Variants in SORBS2 observed in about 807,000 individuals in gnomAD.
SORBS2 encodes the protein sorbin and SH3 domain-containing protein 2.
In SORBS2, 46 loss-of-function variants were observed where a neutral mutation model predicts 97.7. That is an observed-to-expected ratio of 0.47 (90% confidence interval 0.37 to 0.60). The LOEUF is 0.60. Ranked by LOEUF, SORBS2 falls within the 20% of genes least tolerant of loss-of-function variation. The pLI, the probability that SORBS2 is intolerant of heterozygous loss-of-function variation, is 0.00. For synonymous variants in SORBS2, 476 were observed against 473.4 expected (o/e 1.01, Z -0.07); for missense variants, 1,316 against 1,282.3 (o/e 1.03, Z -0.40).
At chr4:185,843,597 CA>C (rs2099212882) in intron 1 of SORBS2, among the ~76,000 whole-genome samples, 1 of 151,966 alleles carries the variant, frequency 6.6e-6, no homozygotes, top group Non-Finnish European at 1.5e-5. Context: ...TTTGCAGTAG[CA>C]CTGAAAAAAT....
chr4:185,587,790 C>T (rs2095820614), intron 14 of SORBS2, 102 bp from the exon 27 acceptor site: 2 of 891,392 alleles, frequency 2.2e-6, no homozygotes, highest in Non-Finnish European at 3.7e-6. Flanking sequence ...AGACAGCAAG[C>T]CCCGAGGGGT....
At chr4:185,773,918 C>T (rs189509914) in intron 2 of SORBS2, 6 of 150,480 alleles carry the variant, frequency 4.0e-5, no homozygotes, top group East Asian at 3.9e-4. Context: ...AAGTTTCACT[C>T]GTAAAACAGA....
chr4:185,820,981 A>C (rs893529166), intron 1 of SORBS2, among the ~76,000 whole-genome samples: 1 of 152,194 alleles, frequency 6.6e-6, no homozygotes, highest in Non-Finnish European at 1.5e-5. Context: ...CCCTTGATTC[A>C]ATCCGACAAA....
chr4:185,724,993 C>T (rs1406215839), intron 2 of SORBS2, among the ~76,000 whole-genome samples: 1 of 151,978 alleles, frequency 6.6e-6, no homozygotes, highest in Non-Finnish European at 1.5e-5. Flanking sequence ...TAGTTCAGCA[C>T]CTTGCATATC....
intron 2 of SORBS2, among the ~76,000 whole-genome samples, chr4:185,697,880 C>A (rs1029836868): frequency 5.9e-5 from 9 of 152,162 alleles, no homozygotes; most frequent in African/African-American, 2.2e-4. Flanking sequence ...CTAAGTTTCT[C>A]ACTGCTTTTA....
At chr4:185,624,753 C>G (rs893734007) in intron 6 of SORBS2, among the ~76,000 whole-genome samples, 1 of 152,100 alleles carries the variant, frequency 6.6e-6, no homozygotes, top group African/African-American at 2.4e-5. Context: ...AAGAAGCAAC[C>G]GACGTAAGCA....
chr4:185,614,664 A>C, intron 11 of SORBS2, 167 bp downstream of exon 23: 2 of 743,226 alleles, frequency 2.7e-6, no homozygotes, highest in South Asian at 2.0e-5. Flanking sequence ...CCAGCAGGGA[A>C]CCGTGACTCT....
chr4:185,907,588 T>C (rs140066834), intron 1 of SORBS2, among the ~76,000 whole-genome samples: 1 of 152,354 alleles, frequency 6.6e-6, no homozygotes, highest in East Asian at 1.9e-4. Context: ...TGATGATGGA[T>C]ATTTTCTTTA....
intron 1 of SORBS2, among the ~76,000 whole-genome samples, chr4:185,900,963 G>C (rs1160906301): frequency 2.0e-5 from 3 of 152,174 alleles, no homozygotes; most frequent in Admixed American, 6.5e-5. Flanking sequence ...TGTAAAGACT[G>C]ACCTCATTTT....
Position 185,633,869 on chromosome 4 carries a change from C to T in SORBS2, c.397-3271G>A, listed in dbSNP as rs531114723. 2.0e-5 allele frequency among the ~76,000 whole-genome samples: 3 copies of T among 151,754 alleles called. No individual in the cohort carries two copies. In the East Asian group the frequency reaches 5.8e-4, roughly 29 times the overall value. On this transcript the variant is annotated intron_variant, in intron 4 of 14. Coordinates refer to ENST00000418609, the Ensembl canonical transcript of SORBS2. Reference sequence around the variant, plus strand: ...TTTCAGTTATCTATGAACCAACTACCTTAAAAACACCCTAGAAATATCTGA... The same window carrying T: ...TTTCAGTTATCTATGAACCAACTACTTTAAAAACACCCTAGAAATATCTGA...
intron 1 of SORBS2, among the ~76,000 whole-genome samples, chr4:185,896,280 A>G (rs1267270510): frequency 6.6e-6 from 1 of 152,244 alleles, no homozygotes; most frequent in Non-Finnish European, 1.5e-5. Context: ...ACAAATCCTC[A>G]GAGAAAGGAT....
chr4:185,621,623 A>G (rs2096721267), intron 7 of SORBS2, among the ~76,000 whole-genome samples: 1 of 144,604 alleles, frequency 6.9e-6, no homozygotes, highest in Admixed American at 6.8e-5. Flanking sequence ...AAGGGTAGGC[A>G]AAGATAAACG....
chr4:185,651,319 C>T (rs1282227858), intron 2 of SORBS2, among the ~76,000 whole-genome samples: 1 of 152,196 alleles, frequency 6.6e-6, no homozygotes, highest in African/African-American at 2.4e-5. Flanking sequence ...GTGGCCCCGC[C>T]AAGGGGGATT....
At chr4:185,829,793 A>G (rs2099204158) in intron 1 of SORBS2, among the ~76,000 whole-genome samples, 1 of 152,186 alleles carries the variant, frequency 6.6e-6, no homozygotes. Flanking sequence ...TTTTTTCATA[A>G]ATTCTTAATT....
chr4:185,793,285 G>A (rs2099089565), intron 1 of SORBS2, among the ~76,000 whole-genome samples: 1 of 152,228 alleles, frequency 6.6e-6, no homozygotes, highest in African/African-American at 2.4e-5. Context: ...TACTAGCCTA[G>A]GCAGTGGCAG....
At chr4:185,631,412 G>C (rs1183376769) in intron 4 of SORBS2, among the ~76,000 whole-genome samples, 1 of 152,210 alleles carries the variant, frequency 6.6e-6, no homozygotes, top group East Asian at 1.9e-4. Flanking sequence ...TAAAAGGCAA[G>C]AGAGGACACT....
At chr4:185,682,230 G>A (rs1165643883) in intron 2 of SORBS2, among the ~76,000 whole-genome samples, 1 of 152,170 alleles carries the variant, frequency 6.6e-6, no homozygotes. Context: ...TTTCTTAAGG[G>A]CATGAAACAT....
chr4:185,694,709 T>TTTTTTTTA (rs1561960323), intron 2 of SORBS2, among the ~76,000 whole-genome samples: 1 of 133,780 alleles, frequency 7.5e-6, no homozygotes, highest in Non-Finnish European at 1.6e-5. Context: ...TTTCTTTCTT[T>TTTTTTTTA]TCTTTTCTTT....
At chr4:185,850,460 C>A (rs961433350) in intron 1 of SORBS2, among the ~76,000 whole-genome samples, 5 of 152,202 alleles carry the variant, frequency 3.3e-5, no homozygotes, top group Admixed American at 2.6e-4. Flanking sequence ...CAGCATGTAG[C>A]TCCTTGGTAT....
Sources: allele counts gnomAD v4.1 joint callset (sites outside exome capture counted in the v4.1 genomes callset), GRCh38; gene constraint gnomAD v4.1.1; transcripts MANE v1.5; gene names NCBI Gene and HGNC (gene_info 2026-07-23, HGNC 2026-07-21).